LAMA2: variants seen among roughly 807,000 people sequenced by gnomAD.
LAMA2 encodes the protein laminin subunit alpha 2.
A neutral mutation model predicts 364.8 loss-of-function variants in LAMA2; 269 were observed. The ratio of observed to expected loss-of-function variants is 0.74; its 90% confidence interval spans 0.67 to 0.82. LAMA2 has a LOEUF of 0.82. Among genes scored for constraint, LAMA2 ranks in the 40% least tolerant of loss-of-function variants. The pLI is 0.00. For missense variants in LAMA2, 3,807 were observed against 3,873.2 expected (o/e 0.98, Z 0.45); for synonymous variants, 1,379 against 1,370.6 (o/e 1.01, Z -0.14).
chr6:129,455,905 T>G (rs1782937478), intron 47 of LAMA2, among the ~76,000 whole-genome samples: 1 of 152,154 alleles, frequency 6.6e-6, no homozygotes, highest in African/African-American at 2.4e-5. Context: ...TCATTTGGGG[T>G]CCACTAGCTG....
chr6:129,205,700 A>G (rs1384627515), intron 12 of LAMA2, among the ~76,000 whole-genome samples: 1 of 152,016 alleles, frequency 6.6e-6, no homozygotes. Flanking sequence ...GTATAATAAT[A>G]TGGAATGATC....
Position 129,107,583 on chromosome 6 carries a change from A to G in LAMA2, c.639+9168A>G, listed in dbSNP as rs2384. On this transcript the variant is annotated intron_variant, in intron 4 of 64. Transcript: ENST00000421865. Reference sequence around the variant, plus strand: ...CTAATGTAGGGTTAATCCAGGGCCAAGTAGACAAAAATAATAATAAAACCA... The same window carrying G: ...CTAATGTAGGGTTAATCCAGGGCCAGGTAGACAAAAATAATAATAAAACCA... Among the ~76,000 whole-genome samples the G allele has an allele frequency of 1.5e-3, 228 of 152,316 alleles. 1 individual carries two copies. The highest frequency in any genetic ancestry group is 5.1e-3 in the African/African-American group (214 of 41,560).
At position 129,154,561 on chromosome 6, in the gene LAMA2, A is replaced by T. The variant is rs191912891; in HGVS notation, c.1084A>T (p.Arg362Ter). 107 of 1,614,032 alleles carry T rather than the reference A, an allele frequency of 6.6e-5. 1 individual carries two copies. The East Asian group carries it at 1.4e-3, about 21-fold the overall frequency. Residue 362 changes from arginine (R) to a stop codon, truncating the protein, a stop_gained, in exon 8 of 65, where the codon AGA (arginine) becomes TGA (stop). Coordinates refer to ENST00000421865, the MANE Select transcript of LAMA2 (RefSeq NM_000426.4). LOFTEE classifies it high-confidence loss of function. ...CTATTATGATGAAAATGTTGCCAGA[A>T]GAAATCTGAGTTTGAATATACGTGG... is the stretch of plus-strand genomic sequence containing the variant. ...ECYYDENVAR[R>*]NLSLNIRGKY...
At chr6:129,076,668 G>C (rs1469014929) in intron 3 of LAMA2, among the ~76,000 whole-genome samples, 4 of 151,326 alleles carry the variant, frequency 2.6e-5, no homozygotes, top group Admixed American at 1.3e-4. Flanking sequence ...TAAGGAAATA[G>C]CCAATAAAAT....
At chr6:129,150,815 A>G (rs1427112358) in intron 7 of LAMA2, among the ~76,000 whole-genome samples, 1 of 152,068 alleles carries the variant, frequency 6.6e-6, no homozygotes, top group African/African-American at 2.4e-5. Flanking sequence ...CTTAAGTAAA[A>G]ATTTTCTTTT....
intron 3 of LAMA2, among the ~76,000 whole-genome samples, chr6:129,078,238 G>A (rs1773789246): frequency 6.6e-6 from 1 of 151,776 alleles, no homozygotes; most frequent in Non-Finnish European, 1.5e-5. Context: ...GCATTCAAGC[G>A]ATTCTCCTGC....
In LAMA2 at chr6:129,148,967, C is replaced by G; in HGVS notation, c.910-12C>G. 1 of 1,595,210 alleles carries G rather than the reference C, an allele frequency of 6.3e-7. No individual in the cohort carries two copies. The highest frequency in any genetic ancestry group is 8.6e-7 in the Non-Finnish European group (1 of 1,162,868). On this transcript the variant is annotated splice_polypyrimidine_tract_variant and intron_variant, in intron 6 of 64. Coordinates refer to ENST00000421865, the MANE Select transcript of LAMA2 (RefSeq NM_000426.4). ...AGGCTAAAATTTGTGCTTCCTCCCT[C>G]TTTTTGACTAGAAATCTCGCTGTGA...
chr6:129,341,905 C>T (rs1276140355), intron 29 of LAMA2, among the ~76,000 whole-genome samples: 2 of 152,234 alleles, frequency 1.3e-5, no homozygotes, highest in African/African-American at 4.8e-5. Context: ...TTTCAGAAAG[C>T]CCACTAGTGG....
At chr6:129,225,836 A>T (rs1026590526) in intron 12 of LAMA2, among the ~76,000 whole-genome samples, 8 of 152,024 alleles carry the variant, frequency 5.3e-5, no homozygotes, top group Non-Finnish European at 1.0e-4. Context: ...GAGTTCTGCA[A>T]ATGTCTATTA....
chr6:129,442,358 A>T (rs1050306043), intron 43 of LAMA2: 5 of 413,952 alleles, frequency 1.2e-5, no homozygotes, highest in Non-Finnish European at 1.8e-5. Flanking sequence ...ATTTTTTAAA[A>T]TTTTTTAATG....
intron 4 of LAMA2, among the ~76,000 whole-genome samples, chr6:129,124,837 T>C (rs1777020924): frequency 6.6e-6 from 1 of 152,216 alleles, no homozygotes. Flanking sequence ...AGAAACCTTG[T>C]ACACGTTAAG....
At chr6:128,926,936 C>T (rs898751021) in intron 1 of LAMA2, among the ~76,000 whole-genome samples, 1 of 152,160 alleles carries the variant, frequency 6.6e-6, no homozygotes, top group Non-Finnish European at 1.5e-5. Flanking sequence ...TATGCTGAAT[C>T]TTATTAAGGT....
chr6:129,259,800 TA>T (rs937771176), intron 14 of LAMA2, among the ~76,000 whole-genome samples: 21 of 152,100 alleles, frequency 1.4e-4, no homozygotes, highest in African/African-American at 5.1e-4. Context: ...CTAGAAAGAA[TA>T]AGTTATTTTC....
Position 129,233,320 on chromosome 6 carries a change from G to A in LAMA2, c.1783-16792G>A, listed in dbSNP as rs149041510. Among the ~76,000 whole-genome samples the A allele has an allele frequency of 2.0e-5, 3 of 152,152 alleles. No homozygotes were observed. The East Asian group carries it at 5.8e-4, about 29-fold the overall frequency. On this transcript the variant is annotated intron_variant, in intron 12 of 64. Transcript: ENST00000421865. ...ACCCTTGCACAATGCAGGGATTAGG[G>A]ATGCTGACCTCTACACAGTTGAAAA...
intron 12 of LAMA2, among the ~76,000 whole-genome samples, chr6:129,234,921 A>G (rs552919954): frequency 2.6e-5 from 4 of 152,252 alleles, no homozygotes; most frequent in South Asian, 4.1e-4. Flanking sequence ...ATTGAGGTCT[A>G]TGTTTTTGAG....
chr6:129,314,779 A>G lies in LAMA2; in HGVS notation c.3536A>G (p.Lys1179Arg), dbSNP rs1196723425. 6 of 1,614,072 alleles carry G rather than the reference A, an allele frequency of 3.7e-6. No homozygotes were observed. The South Asian group carries it at 6.6e-5, about 18-fold the overall frequency. Residue 1179 changes from lysine to arginine, a missense_variant, in exon 24 of 65, where the codon AAA becomes AGA. Coordinates refer to ENST00000421865, the MANE Select transcript of LAMA2 (RefSeq NM_000426.4). ...FGTTTQCSEA[K>R]GLIRTWVTLK... ...ACTACTACCCAGTGCTCTGAAGCAA[A>G]AGGACTGATCCGGACGTGGGTGAGT... is the stretch of plus-strand genomic sequence containing the variant.
Position 129,029,582 on chromosome 6 carries a change from A to T in LAMA2, c.113-20336A>T, listed in dbSNP as rs559739960. ...ATCCTGAGAAATGCTAAAAAAAATT[A>T]GAAAATGTAAAGGTGACTGAAGTTA... On this transcript the variant is annotated intron_variant, in intron 1 of 64. Coordinates refer to ENST00000421865, the MANE Select transcript of LAMA2 (RefSeq NM_000426.4). Among the ~76,000 whole-genome samples, 3 of 152,092 alleles carry T rather than the reference A, an allele frequency of 2.0e-5. No individual in the cohort carries two copies. In the South Asian group the frequency reaches 6.2e-4, roughly 32 times the overall value.
intron 1 of LAMA2, among the ~76,000 whole-genome samples, chr6:128,891,238 G>A (rs1776434045): frequency 6.6e-6 from 1 of 152,076 alleles, no homozygotes; most frequent in East Asian, 1.9e-4. Context: ...AATTATAAAT[G>A]AGACAATTAT....
At position 129,456,495 on chromosome 6, in the gene LAMA2, G is replaced by A. The variant is rs2114795099; in HGVS notation, c.6867+1G>A. On this transcript the variant is annotated splice_donor_variant, in intron 48 of 64. Coordinates refer to ENST00000421865, the MANE Select transcript of LAMA2 (RefSeq NM_000426.4). LOFTEE classifies it high-confidence loss of function. ...TGGTGGCCTGACTGGGAAATTAAAG[G>A]TAATGTGTTCATCCTCCTCCTGTTT... The A allele has an allele frequency of 6.2e-7, 1 of 1,612,404 alleles. No homozygotes were observed. Among genetic ancestry groups the A allele is most frequent in the East Asian group, 2.2e-5 (1 of 44,856 alleles).
Sources: allele counts gnomAD v4.1 joint callset (sites outside exome capture counted in the v4.1 genomes callset), GRCh38; gene constraint gnomAD v4.1.1; transcripts MANE v1.5; gene names NCBI Gene and HGNC (gene_info 2026-07-23, HGNC 2026-07-21).